Variants in KLF13 observed in about 807,000 individuals in gnomAD.
KLF13 encodes KLF transcription factor 13.
KLF13 carries 8 observed loss-of-function variants against 16.7 expected under a neutral mutation model. The ratio of observed to expected loss-of-function variants is 0.48; its 90% CI spans 0.28 to 0.87. The LOEUF (loss-of-function observed/expected upper bound fraction) is 0.87. KLF13 is among the 40% of genes least tolerant of loss of function. The pLI, the probability that KLF13 is intolerant of heterozygous loss-of-function variation, is 0.10. For synonymous variants in KLF13, 245 were observed against 208.4 expected, an observed-to-expected ratio of 1.18 and a Z score of -1.51; for missense variants, 447 against 452.2, an observed-to-expected ratio of 0.99 and a Z score of 0.10.
intron 1 of KLF13, among the ~76,000 whole-genome samples, chr15:31,430,589 C>T (rs903833503): frequency 6.6e-6 from 1 of 152,196 alleles, no homozygotes; most frequent in Non-Finnish European, 1.5e-5. Flanking sequence ...TTCATTCACT[C>T]TGCCCTCGTG....
chr15:31,399,244 C>G (rs185180637), intron 2 of KLF13, among the ~76,000 whole-genome samples: 1 of 152,340 alleles, frequency 6.6e-6, no homozygotes, highest in Non-Finnish European at 1.5e-5. Context: ...TGCAATGGCG[C>G]AATCTTGGCT....
chr15:31,410,629 C>T (rs1050249865), intron 1 of KLF13, among the ~76,000 whole-genome samples: 1 of 142,310 alleles, frequency 7.0e-6, no homozygotes, highest in Admixed American at 6.9e-5. Flanking sequence ...ACACACACCC[C>T]TATAACATCA....
chr15:31,336,113 A>G (rs898469989), intron 1 of KLF13, among the ~76,000 whole-genome samples: 2 of 152,166 alleles, frequency 1.3e-5, no homozygotes, highest in East Asian at 3.8e-4. Context: ...CACACATGGG[A>G]GGTGAGGTGA....
intron 1 of KLF13, among the ~76,000 whole-genome samples, chr15:31,339,066 C>A (rs59048973): frequency 0.12 from 18,820 of 151,980 alleles, 1,416 homozygotes; most frequent in Admixed American, 0.18. Context: ...GGCGGCCTGT[C>A]CCTTGGGTGT....
At chr15:31,349,241 G>C (rs957575989) in intron 1 of KLF13, among the ~76,000 whole-genome samples, 2 of 152,194 alleles carry the variant, frequency 1.3e-5, no homozygotes, top group Non-Finnish European at 2.9e-5. Context: ...CATTCCATCT[G>C]GGGGAATCCC....
chr15:31,408,506 G>T (rs1362882404), downstream of KLF13, among the ~76,000 whole-genome samples: 1 of 152,166 alleles, frequency 6.6e-6, no homozygotes, highest in Non-Finnish European at 1.5e-5. Context: ...ACTAGAATTT[G>T]AAGTCTGTTA....
At chr15:31,401,270 G>C (rs2040032894) in intron 2 of KLF13, among the ~76,000 whole-genome samples, 1 of 152,208 alleles carries the variant, frequency 6.6e-6, no homozygotes, top group East Asian at 1.9e-4. Flanking sequence ...AAAGTGCTGG[G>C]CCTACAGGTG....
chr15:31,370,857 A>G (rs1425539037), intron 1 of KLF13, among the ~76,000 whole-genome samples: 1 of 152,014 alleles, frequency 6.6e-6, no homozygotes, highest in Non-Finnish European at 1.5e-5. Context: ...CTTTTCCTCT[A>G]GAGTTGGTGG....
Position 31,337,479 on chromosome 15 carries a change from C to T in KLF13, c.577+9690C>T, listed in dbSNP as rs1467966032. Among the ~76,000 whole-genome samples the T allele has an allele frequency of 3.3e-5, 5 of 152,062 alleles. No homozygotes were observed. In the East Asian group the frequency reaches 7.7e-4, roughly 24 times the overall value. On this transcript the variant is annotated intron_variant, in intron 1 of 1. Transcript: ENST00000307145. ...GCATGGCAGGCCCTTTCTAAAATTA[C>T]AGTCATAGGTTGCTTAATGACGGGT... is the stretch of plus-strand genomic sequence containing the variant.
chr15:31,435,111 G>T (rs570926465), intron 1 of KLF13, among the ~76,000 whole-genome samples: 1 of 152,296 alleles, frequency 6.6e-6, no homozygotes, highest in Non-Finnish European at 1.5e-5. Flanking sequence ...CGGGTGCAAC[G>T]TGTGTGTTTT....
At chr15:31,335,435 ATGTGTGTGTG>A (rs71110867) in intron 1 of KLF13, among the ~76,000 whole-genome samples, 1 of 34,888 alleles carries the variant, frequency 2.9e-5, no homozygotes, top group Non-Finnish European at 7.0e-5. Context: ...GTGTGTGTGT[ATGTGTGTGTG>A]TGTGTGTGTG....
At chr15:31,397,933 C>T (rs781313532) in intron 2 of KLF13, among the ~76,000 whole-genome samples, 201 of 152,134 alleles carry the variant, frequency 1.3e-3, no homozygotes, top group South Asian at 8.3e-4. Context: ...TCCTGTGCCT[C>T]AGCCTGAGGG....
chr15:31,435,088 C>T (rs1460201271), intron 1 of KLF13, among the ~76,000 whole-genome samples: 2 of 152,180 alleles, frequency 1.3e-5, no homozygotes, highest in South Asian at 2.1e-4. Flanking sequence ...CTTATGCACG[C>T]TAAGGGACGG....
At chr15:31,339,327 C>T (rs2038983957) in intron 1 of KLF13, among the ~76,000 whole-genome samples, 1 of 151,786 alleles carries the variant, frequency 6.6e-6, no homozygotes, top group Admixed American at 6.6e-5. Flanking sequence ...TCTTAATAAA[C>T]ATTTGTCTTC....
chr15:31,403,946 C>T (rs2040076925), exon 3 of KLF13: 2 of 152,210 alleles, frequency 1.3e-5, no homozygotes, highest in African/African-American at 2.4e-5. Context: ...TGGCTCTGTC[C>T]TTGTCAGGGA....
At chr15:31,413,589 T>C (rs1431760360) in intron 1 of KLF13, among the ~76,000 whole-genome samples, 1 of 149,448 alleles carries the variant, frequency 6.7e-6, no homozygotes, top group Non-Finnish European at 1.5e-5. Flanking sequence ...AAGAAAAAAA[T>C]CATCAAGGAA....
chr15:31,405,957 G>C (rs938342498), downstream of KLF13, among the ~76,000 whole-genome samples: 2 of 152,212 alleles, frequency 1.3e-5, no homozygotes, highest in Admixed American at 1.3e-4. Flanking sequence ...AGAGATGTTT[G>C]AGGAGATGTT....
chr15:31,347,673 T>C (rs2039146069), intron 1 of KLF13, among the ~76,000 whole-genome samples: 1 of 152,088 alleles, frequency 6.6e-6, no homozygotes, highest in Non-Finnish European at 1.5e-5. Flanking sequence ...AAGAAATGGC[T>C]AAAGGAAAAG....
intron 1 of KLF13, among the ~76,000 whole-genome samples, chr15:31,433,045 A>G (rs1214832588): frequency 6.6e-6 from 1 of 152,222 alleles, no homozygotes. Flanking sequence ...CTCTGCCTCA[A>G]AACAAAGCAG....
Sources: allele counts gnomAD v4.1 joint callset (sites outside exome capture counted in the v4.1 genomes callset), GRCh38; gene constraint gnomAD v4.1.1; transcripts MANE v1.5; gene names NCBI Gene and HGNC (gene_info 2026-07-23, HGNC 2026-07-21).